The following ZFP64 variants were observed in gnomAD, a reference collection of about 807,000 sequenced individuals.
The protein encoded by ZFP64 is zinc finger protein 64.
ZFP64 carries 14 observed loss-of-function variants against 51.6 expected under a neutral mutation model. That is an observed-to-expected ratio of 0.27 (90% CI 0.18 to 0.42). The LOEUF (loss-of-function observed/expected upper bound fraction) is 0.42, where lower values mean the gene tolerates loss of function less well. ZFP64 is among the 10% of genes least tolerant of loss of function. ZFP64 has a pLI of 1.00. For missense variants in ZFP64, 754 were observed against 906.8 expected (o/e 0.83, Z 2.16); for synonymous variants, 375 against 361.4 (o/e 1.04, Z -0.43).
At chr20:52,100,658 T>G (rs1385843647) in intron 5 of ZFP64, among the ~76,000 whole-genome samples, 1 of 152,166 alleles carries the variant, frequency 6.6e-6, no homozygotes, top group Non-Finnish European at 1.5e-5. Flanking sequence ...GAGAAGTTTG[T>G]GCGGGTGAAG....
intron 2 of ZFP64, among the ~76,000 whole-genome samples, chr20:52,176,874 T>A (rs1407492415): frequency 6.6e-6 from 1 of 152,206 alleles, no homozygotes; most frequent in Admixed American, 6.5e-5. Flanking sequence ...CCTATATCCT[T>A]CTAAACAAAG....
chr20:52,158,205 A>G (rs952916353), intron 5 of ZFP64, among the ~76,000 whole-genome samples: 2 of 152,190 alleles, frequency 1.3e-5, no homozygotes, highest in Non-Finnish European at 2.9e-5. Flanking sequence ...TTTACACTGT[A>G]TATTGGGTGT....
chr20:52,166,060 T>A, intron 2 of ZFP64, 35 bp from the exon 3 acceptor site: 1 of 1,580,232 alleles, frequency 6.3e-7, no homozygotes, highest in South Asian at 1.2e-5. Flanking sequence ...TTTCTTAATA[T>A]AAATGCCCGC....
intron 5 of ZFP64, chr20:52,104,579 G>C (rs992889014): frequency 2.5e-6 from 1 of 405,188 alleles, no homozygotes; most frequent in Non-Finnish European, 5.0e-6. Flanking sequence ...TGACCTCTCG[G>C]GCTACAGCAG....
chr20:52,117,728 G>A (rs1462056264), intron 5 of ZFP64: 2 of 451,586 alleles, frequency 4.4e-6, no homozygotes, highest in Admixed American at 4.9e-5. Flanking sequence ...CCATAGAATA[G>A]GTTTGCATTC....
At position 52,153,200 on chromosome 20, in the gene ZFP64, C is replaced by T. The variant is rs1414751366; in HGVS notation, c.992G>A (p.Arg331Gln). The change falls in exon 6 of 6, where the codon CGG becomes CAG. Residue 331 changes from arginine to glutamine, a missense_variant. Physicochemically the swap from Arg to Gln is conservative, Grantham distance 43. Around this residue, in one of 3 missense-constraint regions of ZFP64, gnomAD observed 428 missense variants for 472.4 expected, o/e 0.91. Coordinates refer to ENST00000216923, the MANE Select transcript of ZFP64 (RefSeq NM_018197.3). This position sits in a 1 kb window ranked among gnomAD's most constrained non-coding sequence, Gnocchi z 5.1. ...DFLGDSKATL[R>Q]KHSRVHQSEH... ...CGACTGGTGCACGCGGCTGTGCTTC[C>T]GGAGGGTGGCTTTGCTGTCACCCAG... 1.2e-6 allele frequency: 2 copies of T among 1,614,154 alleles called. No homozygotes were observed. Among genetic ancestry groups the T allele is most frequent in the South Asian group, 1.1e-5 (1 of 91,076 alleles).
At chr20:52,155,928 A>C (rs1225279181) in intron 5 of ZFP64, among the ~76,000 whole-genome samples, 1 of 152,248 alleles carries the variant, frequency 6.6e-6, no homozygotes, top group Admixed American at 6.5e-5. Context: ...ATTAATTTAC[A>C]GTTTTACCAG....
At chr20:52,185,181 G>A (rs1237312995) in intron 2 of ZFP64, among the ~76,000 whole-genome samples, 2 of 151,950 alleles carry the variant, frequency 1.3e-5, no homozygotes, top group Non-Finnish European at 2.9e-5. Flanking sequence ...GTGACACCAC[G>A]CTGGGCTAGT....
intron 2 of ZFP64, among the ~76,000 whole-genome samples, chr20:52,185,378 T>C (rs1003841340): frequency 6.6e-6 from 1 of 152,154 alleles, no homozygotes; most frequent in Non-Finnish European, 1.5e-5. Flanking sequence ...TGGATAAATG[T>C]CTTTATGTAT....
chr20:52,084,665 G>A (rs1468462212), exon 9 of ZFP64: 4 of 1,614,130 alleles, frequency 2.5e-6, no homozygotes, highest in Non-Finnish European at 3.4e-6. Context: ...CCAAGTCTGA[G>A]TTCTTGTTCT....
intron 5 of ZFP64, among the ~76,000 whole-genome samples, chr20:52,109,323 C>A (rs1022915284): frequency 1.3e-4 from 20 of 152,080 alleles, no homozygotes; most frequent in African/African-American, 4.6e-4. Context: ...ACCACCATGC[C>A]TGGCTAATTT....
chr20:52,103,715 G>A (rs139911510), intron 5 of ZFP64, among the ~76,000 whole-genome samples: 3 of 152,204 alleles, frequency 2.0e-5, no homozygotes, highest in African/African-American at 7.2e-5. Flanking sequence ...GAGGCGCAGA[G>A]ATCAGCAAGA....
intron 5 of ZFP64, among the ~76,000 whole-genome samples, chr20:52,118,312 A>G (rs1411257470): frequency 6.8e-6 from 1 of 146,220 alleles, no homozygotes; most frequent in African/African-American, 2.5e-5. Context: ...GTCTTTATTT[A>G]TAGAGAAAAC....
intron 5 of ZFP64, among the ~76,000 whole-genome samples, chr20:52,134,338 A>G (rs1358317864): frequency 1.3e-5 from 2 of 152,198 alleles, no homozygotes; most frequent in African/African-American, 4.8e-5. Context: ...TCTGGAAGCC[A>G]AGCCTTCCAC....
chr20:52,117,081 G>A (rs112156999), intron 5 of ZFP64, among the ~76,000 whole-genome samples: 45 of 150,796 alleles, frequency 3.0e-4, no homozygotes, highest in African/African-American at 1.0e-3. Flanking sequence ...ACACACACAC[G>A]CACACACACA....
Position 52,085,966 on chromosome 20 carries a change from C to T in ZFP64, c.1229-700G>A, listed in dbSNP as rs1209786216. ...ATCTTATCCTACACACCCATCCTTT[C>T]CCTAACCTCTCCCCTGCATTCTGGT... On this transcript the variant is annotated intron_variant, in intron 8 of 8. Coordinates refer to the ZFP64 transcript ENST00000361387. This position sits in a 1 kb window ranked among gnomAD's most constrained non-coding sequence, Gnocchi z 4.3. Among the ~76,000 whole-genome samples the T allele has an allele frequency of 3.3e-5, 5 of 152,164 alleles. No homozygotes were observed. The highest frequency in any genetic ancestry group is 1.9e-4 in the East Asian group (1 of 5,192).
intron 5 of ZFP64, among the ~76,000 whole-genome samples, chr20:52,157,745 C>T (rs536944444): frequency 7.2e-5 from 11 of 152,286 alleles, no homozygotes; most frequent in East Asian, 5.8e-4. Flanking sequence ...CAGGTACACA[C>T]GTGCCATGGT....
chr20:52,101,030 C>T (rs994778141), intron 5 of ZFP64, among the ~76,000 whole-genome samples: 19 of 152,108 alleles, frequency 1.2e-4, no homozygotes, highest in Non-Finnish European at 2.6e-4. Flanking sequence ...TCAGCAATGC[C>T]TGGGAACATT....
At chr20:52,168,974 T>G (rs1982498101) in intron 2 of ZFP64, among the ~76,000 whole-genome samples, 3 of 152,188 alleles carry the variant, frequency 2.0e-5, no homozygotes, top group African/African-American at 7.2e-5. Context: ...TTGACAGAAA[T>G]CTCACTAATT....
Sources: gnomAD v4.1 joint callset for allele counts (sites outside exome capture counted in the v4.1 genomes callset) on GRCh38, gnomAD v4.1.1 for gene constraint, gnomAD v4.1.1 regional missense constraint, Gnocchi (gnomAD v3.1) non-coding constraint, MANE v1.5 for transcripts, NCBI Gene and HGNC (gene_info 2026-07-23, HGNC 2026-07-21) for gene names.